Variants in MRPS28 observed in about 807,000 individuals in gnomAD.
MRPS28 encodes the protein small ribosomal subunit protein bS1m.
In MRPS28, 7 loss-of-function variants were observed where a neutral mutation model predicts 10.8. The observed-to-expected ratio is 0.65, with a 90% CI of 0.37 to 1.22. The LOEUF is 1.22. Among genes scored for constraint, MRPS28 ranks in the 50% most tolerant of loss-of-function variants. The pLI is 0.02. For missense variants in MRPS28, 265 were observed against 232.9 expected, an observed-to-expected ratio of 1.14 and a Z score of -0.90; for synonymous variants, 121 against 93.3, an observed-to-expected ratio of 1.30 and a Z score of -1.71.
At chr8:79,952,610 T>C (rs1427175300) in intron 2 of MRPS28, among the ~76,000 whole-genome samples, 1 of 152,174 alleles carries the variant, frequency 6.6e-6, no homozygotes, top group Non-Finnish European at 1.5e-5. Context: ...AGCAGATGCA[T>C]CCCTGTTTAC....
Position 79,931,035 on chromosome 8 carries a change from T to C in MRPS28, c.396-11887A>G, listed in dbSNP as rs899370786. 2.5e-4 allele frequency among the ~76,000 whole-genome samples: 38 copies of C among 152,148 alleles called. 1 individual carries two copies. The highest frequency in any genetic ancestry group is 2.6e-4 in the Non-Finnish European group (18 of 68,020). On this transcript the variant is annotated intron_variant, in intron 2 of 2. Coordinates refer to ENST00000276585, the MANE Select transcript of MRPS28 (RefSeq NM_014018.3). ...TGACATTATTTTAAACTTTTTACTATCCAGGAAAAAACATTCAAATAATAA... is the reference window on the plus strand; with the variant it reads ...TGACATTATTTTAAACTTTTTACTACCCAGGAAAAAACATTCAAATAATAA...
At chr8:79,995,795 G>A (rs780927946) in intron 2 of MRPS28, among the ~76,000 whole-genome samples, 10 of 152,116 alleles carry the variant, frequency 6.6e-5, no homozygotes, top group Non-Finnish European at 1.5e-4. Flanking sequence ...AGGCTGCTAG[G>A]TCCTTACTCA....
chr8:80,010,961 C>A (rs1809025061), intron 1 of MRPS28, among the ~76,000 whole-genome samples: 1 of 152,156 alleles, frequency 6.6e-6, no homozygotes, highest in African/African-American at 2.4e-5. Context: ...TTTTATAAAT[C>A]CACAAAATAC....
chr8:79,949,269 C>T (rs1007791429), intron 2 of MRPS28, among the ~76,000 whole-genome samples: 2 of 152,046 alleles, frequency 1.3e-5, no homozygotes, highest in Non-Finnish European at 2.9e-5. Flanking sequence ...AAAAAATTAG[C>T]CAGGCGCTGT....
At chr8:79,980,431 C>T (rs1273774854) in intron 2 of MRPS28, among the ~76,000 whole-genome samples, 1 of 152,180 alleles carries the variant, frequency 6.6e-6, no homozygotes, top group Non-Finnish European at 1.5e-5. Context: ...ACTATGAAGA[C>T]AAGAACAGGC....
At chr8:79,954,621 A>G (rs1296309418) in intron 2 of MRPS28, among the ~76,000 whole-genome samples, 1 of 152,182 alleles carries the variant, frequency 6.6e-6, no homozygotes, top group Non-Finnish European at 1.5e-5. Context: ...ATAGAAATCC[A>G]GGGTTCAAAT....
intron 1 of MRPS28, among the ~76,000 whole-genome samples, chr8:80,005,993 T>G (rs1406689072): frequency 1.3e-5 from 2 of 152,190 alleles, no homozygotes; most frequent in Admixed American, 1.3e-4. Context: ...AGCAAGTCCT[T>G]AGAGACCTAC....
chr8:80,026,631 A>T (rs749802426), intron 1 of MRPS28, among the ~76,000 whole-genome samples: 4 of 152,220 alleles, frequency 2.6e-5, no homozygotes, highest in Non-Finnish European at 5.9e-5. Flanking sequence ...TGACCTCCTG[A>T]AACATTTTCT....
chr8:79,920,288 T>C (rs1463306391), intron 2 of MRPS28, among the ~76,000 whole-genome samples: 2 of 152,186 alleles, frequency 1.3e-5, no homozygotes, highest in Non-Finnish European at 2.9e-5. Context: ...TGTTTTATAA[T>C]CCTTTGGGTA....
intron 1 of MRPS28, among the ~76,000 whole-genome samples, chr8:80,006,429 A>C (rs1480489381): frequency 6.6e-6 from 1 of 152,242 alleles, no homozygotes; most frequent in African/African-American, 2.4e-5. Flanking sequence ...TCAGAGCAGA[A>C]CTGAAGGAGA....
intron 1 of MRPS28, among the ~76,000 whole-genome samples, chr8:80,028,998 A>AG (rs1809572498): frequency 6.6e-6 from 1 of 152,098 alleles, no homozygotes. Flanking sequence ...AAAACAAAAA[A>AG]GTAGAAAACA....
At chr8:80,029,233 A>G (rs921685492) in intron 1 of MRPS28, among the ~76,000 whole-genome samples, 2 of 152,198 alleles carry the variant, frequency 1.3e-5, no homozygotes, top group Non-Finnish European at 2.9e-5. Context: ...GATTTCAGAA[A>G]AATTTTGACA....
intron 2 of MRPS28, among the ~76,000 whole-genome samples, chr8:79,930,306 A>T (rs1806429450): frequency 6.6e-6 from 1 of 152,136 alleles, no homozygotes; most frequent in South Asian, 2.1e-4. Context: ...CTCCTATATG[A>T]GGACACATGG....
At chr8:79,950,789 C>T (rs1173367567) in intron 2 of MRPS28, among the ~76,000 whole-genome samples, 1 of 152,194 alleles carries the variant, frequency 6.6e-6, no homozygotes, top group Non-Finnish European at 1.5e-5. Flanking sequence ...GAATAAATTT[C>T]TGCTGCTATT....
At chr8:80,017,082 T>C (rs1013489704) in intron 1 of MRPS28, among the ~76,000 whole-genome samples, 1 of 152,190 alleles carries the variant, frequency 6.6e-6, no homozygotes, top group African/African-American at 2.4e-5. Context: ...TTTAAAGGAA[T>C]AGAAATCATG....
chr8:80,008,845 A>T (rs968085093), intron 1 of MRPS28, among the ~76,000 whole-genome samples: 33 of 152,330 alleles, frequency 2.2e-4, no homozygotes, highest in South Asian at 4.1e-4. Flanking sequence ...AACTAGTTCA[A>T]CCATTGTGGA....
intron 2 of MRPS28, among the ~76,000 whole-genome samples, chr8:79,941,716 A>G (rs1357110847): frequency 6.6e-6 from 1 of 152,228 alleles, no homozygotes; most frequent in African/African-American, 2.4e-5. Context: ...TCGGTTTTAA[A>G]TGCTGAAAAG....
chr8:79,984,078 G>A lies in MRPS28; in HGVS notation c.395+18921C>T, dbSNP rs1429630003. Among the ~76,000 whole-genome samples the A allele has an allele frequency of 3.3e-5, 5 of 151,984 alleles. No individual in the cohort carries two copies. In the East Asian group the frequency reaches 5.8e-4, roughly 18 times the overall value. ...CCATCAGACTAACAGCGGATCTCTTGGCAGAAACTATACAAGCCAGAAGAG... is the reference window on the plus strand; with the variant it reads ...CCATCAGACTAACAGCGGATCTCTTAGCAGAAACTATACAAGCCAGAAGAG... On this transcript the variant is annotated intron_variant, in intron 2 of 2. Transcript: ENST00000276585.
chr8:79,985,456 A>G (rs1208132005), intron 2 of MRPS28, among the ~76,000 whole-genome samples: 3 of 152,164 alleles, frequency 2.0e-5, no homozygotes, highest in Non-Finnish European at 2.9e-5. Context: ...AGAGACACAA[A>G]AAACCCTTCA....
Sources: gnomAD v4.1 joint callset for allele counts (sites outside exome capture counted in the v4.1 genomes callset) on GRCh38, gnomAD v4.1.1 for gene constraint, MANE v1.5 for transcripts, NCBI Gene and HGNC (gene_info 2026-07-23, HGNC 2026-07-21) for gene names.